TAOK3: variants seen among roughly 807,000 people sequenced by gnomAD.
TAOK3 encodes serine/threonine-protein kinase TAO3.
Under a neutral mutation model 120.4 loss-of-function variants are expected in TAOK3, and 40 were observed. That is an observed-to-expected ratio of 0.33 (90% CI 0.26 to 0.43). The LOEUF (loss-of-function observed/expected upper bound fraction) is 0.43, where lower values mean the gene tolerates loss of function less well. Ranked by LOEUF, TAOK3 falls within the 20% of genes least tolerant of loss-of-function variation. The pLI is 1.00. For missense variants in TAOK3, 821 were observed against 1,112.1 expected (o/e 0.74, Z 3.72); for synonymous variants, 355 against 387.5 (o/e 0.92, Z 0.99).
At chr12:118,367,399 A>T (rs2045767033) in intron 1 of TAOK3, among the ~76,000 whole-genome samples, 1 of 152,124 alleles carries the variant, frequency 6.6e-6, no homozygotes, top group South Asian at 2.1e-4. Flanking sequence ...AGTTATTACT[A>T]AAATTTGAAA....
chr12:118,327,182 G>T (rs2043968467), intron 1 of TAOK3, among the ~76,000 whole-genome samples: 1 of 152,214 alleles, frequency 6.6e-6, no homozygotes, highest in East Asian at 1.9e-4. Flanking sequence ...AATAATAAAA[G>T]CCACTACTAA....
At chr12:118,195,042 T>G (rs1174428908) in intron 13 of TAOK3, among the ~76,000 whole-genome samples, 1 of 152,130 alleles carries the variant, frequency 6.6e-6, no homozygotes, top group African/African-American at 2.4e-5. Context: ...CCACCGTGCC[T>G]GGCCAGTAGA....
At chr12:118,156,689 C>T (rs1402705203) in intron 19 of TAOK3, among the ~76,000 whole-genome samples, 1 of 152,042 alleles carries the variant, frequency 6.6e-6, no homozygotes, top group Non-Finnish European at 1.5e-5. Context: ...GTTCCACTTC[C>T]TTTTTTACCA....
intron 9 of TAOK3, among the ~76,000 whole-genome samples, chr12:118,230,157 T>C (rs1257210464): frequency 6.6e-6 from 1 of 152,176 alleles, no homozygotes; most frequent in Non-Finnish European, 1.5e-5. Context: ...GTGTATGACA[T>C]AGCTAGGAAT....
At chr12:118,194,290 A>T (rs1593115702) in intron 13 of TAOK3, among the ~76,000 whole-genome samples, 1 of 152,070 alleles carries the variant, frequency 6.6e-6, no homozygotes, top group Non-Finnish European at 1.5e-5. Flanking sequence ...TTATTAAATT[A>T]TTGTCGAAGC....
intron 3 of TAOK3, among the ~76,000 whole-genome samples, chr12:118,250,433 TA>T (rs1324026989): frequency 1.3e-5 from 2 of 152,234 alleles, no homozygotes; most frequent in African/African-American, 4.8e-5. Context: ...GCATTCAGTG[TA>T]AAAAGCTGTG....
At chr12:118,299,824 T>C (rs188483523) in intron 1 of TAOK3, among the ~76,000 whole-genome samples, 1 of 152,168 alleles carries the variant, frequency 6.6e-6, no homozygotes, top group African/African-American at 2.4e-5. Flanking sequence ...AAGGTTATTT[T>C]ATTTTTTTTT....
chr12:118,156,099 A>G (rs2034801887), intron 19 of TAOK3, among the ~76,000 whole-genome samples: 1 of 152,188 alleles, frequency 6.6e-6, no homozygotes, highest in African/African-American at 2.4e-5. Context: ...GGCTGAGCAT[A>G]TAAAGATTAA....
At chr12:118,277,959 G>T (rs1246376615) in intron 1 of TAOK3, among the ~76,000 whole-genome samples, 1 of 152,084 alleles carries the variant, frequency 6.6e-6, no homozygotes, top group African/African-American at 2.4e-5. Context: ...ACTGCATACA[G>T]CTCTAATTAC....
At chr12:118,296,288 C>A (rs964244929) in intron 1 of TAOK3, among the ~76,000 whole-genome samples, 13 of 152,104 alleles carry the variant, frequency 8.5e-5, no homozygotes, top group African/African-American at 3.1e-4. Flanking sequence ...TGCACCACCA[C>A]GCCCAGCTAA....
intron 17 of TAOK3, among the ~76,000 whole-genome samples, chr12:118,166,964 T>C (rs2138532679): frequency 6.6e-6 from 1 of 152,278 alleles, no homozygotes. Context: ...TAACTTCTAA[T>C]GGAAGTAGTA....
intron 9 of TAOK3, among the ~76,000 whole-genome samples, chr12:118,216,550 T>C (rs1241532235): frequency 6.6e-6 from 1 of 152,196 alleles, no homozygotes; most frequent in Admixed American, 6.5e-5. Flanking sequence ...GGGGTTCCAT[T>C]TGTGGATCAA....
Position 118,284,663 on chromosome 12 carries a change from A to T in TAOK3, c.-193-17904T>A, listed in dbSNP as rs935690944. 2.6e-5 allele frequency among the ~76,000 whole-genome samples: 4 copies of T among 152,076 alleles called. No homozygotes were observed. In the East Asian group the frequency reaches 7.7e-4, roughly 29 times the overall value. Reference sequence around the variant, plus strand: ...AGAGATGGAGATTGGTGTGCAGGGGAAATGTTGGCGCAAGGTCGGATCTGG... The same window carrying T: ...AGAGATGGAGATTGGTGTGCAGGGGTAATGTTGGCGCAAGGTCGGATCTGG... On this transcript the variant is annotated intron_variant, in intron 1 of 20. Transcript: ENST00000392533.
At chr12:118,353,856 C>T (rs750817023) in intron 1 of TAOK3, among the ~76,000 whole-genome samples, 4 of 152,108 alleles carry the variant, frequency 2.6e-5, no homozygotes, top group Admixed American at 6.5e-5. Flanking sequence ...ATATTCACAA[C>T]GGCTAAACAT....
intron 14 of TAOK3, among the ~76,000 whole-genome samples, chr12:118,184,773 C>T (rs1325779632): frequency 3.3e-5 from 5 of 152,210 alleles, no homozygotes; most frequent in African/African-American, 1.2e-4. Flanking sequence ...GCAGTACCAC[C>T]TTGCTCTACC....
At chr12:118,341,296 A>C (rs1459542376) in intron 1 of TAOK3, among the ~76,000 whole-genome samples, 2 of 152,020 alleles carry the variant, frequency 1.3e-5, no homozygotes, top group Non-Finnish European at 2.9e-5. Flanking sequence ...CCACAGCACC[A>C]GCCTAAATTT....
At chr12:118,176,997 CCT>C (rs936079301) in intron 16 of TAOK3, among the ~76,000 whole-genome samples, 1 of 152,132 alleles carries the variant, frequency 6.6e-6, no homozygotes, top group Non-Finnish European at 1.5e-5. Flanking sequence ...CAACTCCTGA[CCT>C]CAGGTGATCT....
At chr12:118,225,364 T>C (rs1408904722) in intron 9 of TAOK3, among the ~76,000 whole-genome samples, 1 of 151,770 alleles carries the variant, frequency 6.6e-6, no homozygotes, top group Non-Finnish European at 1.5e-5. Context: ...TAGGGAATAT[T>C]TGAAACAGTT....
chr12:118,193,140 C>T (rs1195659374), intron 13 of TAOK3, among the ~76,000 whole-genome samples: 3 of 148,942 alleles, frequency 2.0e-5, no homozygotes, highest in Non-Finnish European at 1.5e-5. Context: ...TACCTCTCCA[C>T]CTCCTGGGTT....
Sources: allele counts gnomAD v4.1 joint callset (sites outside exome capture counted in the v4.1 genomes callset), GRCh38; gene constraint gnomAD v4.1.1; transcripts MANE v1.5; gene names NCBI Gene and HGNC (gene_info 2026-07-23, HGNC 2026-07-21).